The following ACTR5 variants were observed in gnomAD, a reference collection of about 807,000 sequenced individuals.
ACTR5 encodes the protein actin related protein 5, also known as actin-related protein 5.
Under a neutral mutation model 61.2 loss-of-function variants are expected in ACTR5, and 43 were observed. The observed-to-expected ratio is 0.70, with a 90% CI of 0.55 to 0.91. ACTR5 has a LOEUF of 0.91. ACTR5 is among the 40% of genes least tolerant of loss of function. The probability of loss-of-function intolerance (pLI) is 0.00; values close to 1 mark genes in which losing one functional copy is unlikely to be tolerated. For synonymous variants in ACTR5, 333 were observed against 310.5 expected (o/e 1.07, Z -0.76); for missense variants, 798 against 782.2 (o/e 1.02, Z -0.24).
chr20:38,754,659 C>T (rs1161409140), intron 3 of ACTR5, among the ~76,000 whole-genome samples: 1 of 152,166 alleles, frequency 6.6e-6, no homozygotes. Context: ...GCAGAACTTG[C>T]AGTGAGCCGA....
At chr20:38,752,406 T>G in intron 3 of ACTR5, 106 bp downstream of exon 3, 1 of 1,263,830 alleles carries the variant, frequency 7.9e-7, no homozygotes, top group Non-Finnish European at 1.1e-6. Flanking sequence ...AAGCACCTCC[T>G]TCCCCTTTTT....
At chr20:38,764,972 C>T (rs1443233148) in intron 5 of ACTR5, among the ~76,000 whole-genome samples, 2 of 152,240 alleles carry the variant, frequency 1.3e-5, no homozygotes, top group Non-Finnish European at 2.9e-5. Flanking sequence ...GCTCCCTGGC[C>T]AGCAGATGTA....
chr20:38,756,148 G>A (rs1298165477), intron 5 of ACTR5, 109 bp downstream of exon 5: 8 of 1,251,590 alleles, frequency 6.4e-6, no homozygotes, highest in South Asian at 1.6e-5. Flanking sequence ...AGAGCAGAGG[G>A]GATGTGGGTG....
intron 1 of ACTR5, 49 bp downstream of exon 1, chr20:38,748,902 C>T (rs79214929): frequency 0.024 from 37,549 of 1,546,896 alleles, 718 homozygotes; most frequent in Admixed American, 0.098. Flanking sequence ...GGGAGGGGTG[C>T]GGTCTCGTCT....
chr20:38,768,593 T>TG (rs2084502210), intron 8 of ACTR5, among the ~76,000 whole-genome samples: 1 of 152,168 alleles, frequency 6.6e-6, no homozygotes, highest in Non-Finnish European at 1.5e-5. Flanking sequence ...GGTTTTTATT[T>TG]GGGGGCTGAT....
At chr20:38,748,920 C>T (rs997015034) in intron 1 of ACTR5, 67 bp downstream of exon 1, 14 of 1,521,020 alleles carry the variant, frequency 9.2e-6, no homozygotes, top group African/African-American at 1.4e-5. Context: ...TCTCCGCTCA[C>T]TCTGCTCTCG....
rs114225631 is a variant in ACTR5 at position 38,762,190 on chromosome 20, A to G, written c.1177-3212A>G. Among the ~76,000 whole-genome samples the G allele has an allele frequency of 4.6e-3, 700 of 152,288 alleles. 5 individuals are homozygous for G. The highest frequency in any genetic ancestry group is 0.016 in the African/African-American group (651 of 41,550). ...AGGGTTTTTTACTTACCTGTCTGGT[A>G]TCTGGGCTGGGAGGACTCAAGGTCT... On this transcript the variant is annotated intron_variant, in intron 5 of 8. Coordinates refer to ENST00000243903, the MANE Select transcript of ACTR5 (RefSeq NM_024855.4).
At chr20:38,768,896 C>G (rs2084503900) in intron 8 of ACTR5, among the ~76,000 whole-genome samples, 1 of 152,136 alleles carries the variant, frequency 6.6e-6, no homozygotes, top group African/African-American at 2.4e-5. Context: ...GGAATGTGAT[C>G]TGATTTACAT....
rs1357749497 is a variant in ACTR5, at chr20:38,771,810, G to C, written c.1818G>C (p.Gln606His). 3.1e-6 allele frequency: 5 copies of C among 1,611,140 alleles called. No individual in the cohort carries two copies. The South Asian group carries it at 5.5e-5, about 18-fold the overall frequency. Residue 606 changes from glutamine (Q) to histidine (H), a missense_variant, in exon 9 of 9, where the codon CAG becomes CAC. By Grantham distance (24) the Gln-to-His change is conservative (BLOSUM62 0). Transcript: ENST00000243903. Reference sequence around the variant, plus strand: ...CTGGTGGAGGTGGTGCTGGTGAGCAGGCATAGCAGAGGCCCTCCAGAGAGA... The same window carrying C: ...CTGGTGGAGGTGGTGCTGGTGAGCACGCATAGCAGAGGCCCTCCAGAGAGA... The part of the protein sequence containing the change: ...SAAGGGGAGE[Q>H]A
intron 5 of ACTR5, among the ~76,000 whole-genome samples, chr20:38,757,117 G>A (rs2084424934): frequency 6.6e-6 from 1 of 152,066 alleles, no homozygotes; most frequent in Admixed American, 6.6e-5. Flanking sequence ...TGTAGAGATG[G>A]GGTCTCACCA....
At chr20:38,750,828 A>G (rs1200584784) in intron 2 of ACTR5, among the ~76,000 whole-genome samples, 1 of 151,856 alleles carries the variant, frequency 6.6e-6, no homozygotes, top group African/African-American at 2.4e-5. Flanking sequence ...ACAGGGTTTC[A>G]CCATGTTGGT....
In ACTR5 at chr20:38,772,339, G is replaced by A. The variant is rs2084524624; in HGVS notation, c.*523G>A. 1 of 163,130 alleles carries A rather than the reference G, an allele frequency of 6.1e-6. No homozygotes were observed. Among genetic ancestry groups the A allele is most frequent in the Non-Finnish European group, 1.3e-5 (1 of 74,444 alleles). 10.1% of individuals were successfully genotyped at this position (163,130 alleles called of 1,614,324 possible). A position where few individuals can be genotyped will look rare whatever the true frequency, so the allele number is the denominator to read the frequency against. ...CCTGTTAAGGCCCAGCTTTGTGGGA[G>A]GCTAAGGCAGGAGGATCGCTGGAGC... On this transcript the variant is annotated 3_prime_UTR_variant, in exon 9 of 9. Coordinates refer to ENST00000243903, the MANE Select transcript of ACTR5 (RefSeq NM_024855.4).
Position 38,758,946 on chromosome 20 carries a change from G to A in ACTR5, c.1176+2907G>A, listed in dbSNP as rs576849634. Among the ~76,000 whole-genome samples, 59 of 152,276 alleles carry A rather than the reference G, an allele frequency of 3.9e-4. No homozygotes were observed. In the South Asian group the frequency reaches 0.011, roughly 29 times the overall value. ...CTGGAATTTAACTAATAGAGGTCTC[G>A]AAAATCTATTTTTTCTTATAGACCA... On this transcript the variant is annotated intron_variant, in intron 5 of 8. Transcript: ENST00000243903.
At chr20:38,754,600 T>A (rs2145666548) in intron 3 of ACTR5, among the ~76,000 whole-genome samples, 1 of 152,018 alleles carries the variant, frequency 6.6e-6, no homozygotes, top group South Asian at 2.1e-4. Flanking sequence ...GCGTCTGTAG[T>A]CCCAGCTACT....
intron 6 of ACTR5, among the ~76,000 whole-genome samples, chr20:38,765,764 C>T (rs2084482668): frequency 6.6e-6 from 1 of 152,166 alleles, no homozygotes. Flanking sequence ...TAATTGGGAA[C>T]TTGAGATCTG....
At chr20:38,748,929 C>A in intron 1 of ACTR5, 76 bp downstream of exon 1, 20 of 1,504,262 alleles carry the variant, frequency 1.3e-5, no homozygotes, top group Non-Finnish European at 1.8e-5. Context: ...ACTCTGCTCT[C>A]GGAGAGGTAA....
intron 2 of ACTR5, among the ~76,000 whole-genome samples, chr20:38,750,939 G>A (rs1321749781): frequency 7.9e-5 from 12 of 152,116 alleles, no homozygotes; most frequent in Admixed American, 7.9e-4. Context: ...CCAATTTCAA[G>A]TTATTTAATC....
At position 38,748,464 on chromosome 20, in the gene ACTR5, G is replaced by C; in HGVS notation, c.-15G>C. On this transcript the variant is annotated 5_prime_UTR_variant, in exon 1 of 9. Transcript: ENST00000243903. ...GACACTGCGCCGAGGGGCGGGGCTG[G>C]ACGCGCGCTCCAAGATGGCGGCGAA... 2 of 1,469,330 alleles carry C rather than the reference G, an allele frequency of 1.4e-6. No homozygotes were observed. The highest frequency in any genetic ancestry group is 1.8e-6 in the Non-Finnish European group (2 of 1,119,126). 91.0% of individuals were successfully genotyped at this position (1,469,330 alleles called of 1,614,324 possible).
intron 8 of ACTR5, 123 bp downstream of exon 8, chr20:38,767,719 A>G: frequency 2.7e-6 from 3 of 1,097,402 alleles, no homozygotes; most frequent in Non-Finnish European, 3.8e-6. Context: ...TCTGGTCTTA[A>G]GTCCATGCTT....
Sources: gnomAD v4.1 joint callset for allele counts (sites outside exome capture counted in the v4.1 genomes callset) on GRCh38, gnomAD v4.1.1 for gene constraint, MANE v1.5 for transcripts, NCBI Gene and HGNC (gene_info 2026-07-23, HGNC 2026-07-21) for gene names.